Variants in MCTP1 observed in about 807,000 individuals in gnomAD.
MCTP1 encodes the protein multiple C2 and transmembrane domain containing 1, also known as multiple C2 and transmembrane domain-containing protein 1.
MCTP1 carries 69 observed loss-of-function variants against 120.6 expected under a neutral mutation model. The observed-to-expected ratio is 0.57, with a 90% CI of 0.47 to 0.70. The LOEUF (loss-of-function observed/expected upper bound fraction) is 0.70, where lower values mean the gene tolerates loss of function less well. MCTP1 is among the 30% of genes least tolerant of loss of function. MCTP1 has a pLI of 0.00. For missense variants in MCTP1, 1,203 were observed against 1,248.8 expected (o/e 0.96, Z 0.55); for synonymous variants, 529 against 493.1 (o/e 1.07, Z -0.96).
At chr5:94,787,146 G>T (rs2152969746) in intron 18 of MCTP1, among the ~76,000 whole-genome samples, 1 of 152,236 alleles carries the variant, frequency 6.6e-6, no homozygotes, top group South Asian at 2.1e-4. Context: ...TCATGGTACT[G>T]CCTGTCTTTG....
intron 1 of MCTP1, among the ~76,000 whole-genome samples, chr5:95,115,911 G>C (rs1268307951): frequency 1.3e-5 from 2 of 151,908 alleles, no homozygotes; most frequent in East Asian, 3.9e-4. Context: ...ATAAAATGGA[G>C]CTGTAATACA....
chr5:95,046,677 A>G (rs1025006749), intron 1 of MCTP1, among the ~76,000 whole-genome samples: 4 of 152,268 alleles, frequency 2.6e-5, no homozygotes, highest in Admixed American at 6.5e-5. Flanking sequence ...CCTAACCATT[A>G]TTAGCCTAAT....
In MCTP1 at chr5:94,969,870, A is replaced by G. The variant is rs548820168; in HGVS notation, c.839-16509T>C. On this transcript the variant is annotated intron_variant, in intron 2 of 22. Coordinates refer to ENST00000515393, the MANE Select transcript of MCTP1 (RefSeq NM_024717.7). ...TTATGGATGTGTTAAAATAATTTCC[A>G]TAAGCTATTCTATTCCCTCATTTTT... 2.0e-5 allele frequency among the ~76,000 whole-genome samples: 3 copies of G among 152,118 alleles called. No homozygotes were observed. In the South Asian group the frequency reaches 6.2e-4, roughly 31 times the overall value.
intron 12 of MCTP1, among the ~76,000 whole-genome samples, chr5:94,885,300 A>C (rs1420963424): frequency 1.4e-5 from 2 of 148,108 alleles, no homozygotes; most frequent in African/African-American, 5.1e-5. Context: ...TTAGGAGCTC[A>C]GAAAAAAAAA....
At position 95,022,430 on chromosome 5, in the gene MCTP1, T is replaced by C. The variant is rs201112513; in HGVS notation, c.721-4946A>G. Among the ~76,000 whole-genome samples the C allele has an allele frequency of 9.2e-5, 14 of 152,288 alleles. No individual in the cohort carries two copies. In the East Asian group the frequency reaches 2.7e-3, roughly 29 times the overall value. ...CTTTCTACCCAGTCTTCAAGGACCATTTCACTAGCACTTTATATCTTTATT... is the reference window on the plus strand; with the variant it reads ...CTTTCTACCCAGTCTTCAAGGACCACTTCACTAGCACTTTATATCTTTATT... On this transcript the variant is annotated intron_variant, in intron 1 of 22. Coordinates refer to ENST00000515393, the MANE Select transcript of MCTP1 (RefSeq NM_024717.7).
intron 1 of MCTP1, among the ~76,000 whole-genome samples, chr5:95,199,777 T>G (rs1750794834): frequency 6.6e-6 from 1 of 151,526 alleles, no homozygotes; most frequent in South Asian, 2.1e-4. Flanking sequence ...GAGAATTGCA[T>G]GAACTCAGGA....
intron 18 of MCTP1, among the ~76,000 whole-genome samples, chr5:94,782,797 A>G (rs893708688): frequency 6.6e-6 from 1 of 152,176 alleles, no homozygotes; most frequent in African/African-American, 2.4e-5. Flanking sequence ...AATGAACAAC[A>G]TACACTATAC....
chr5:95,039,368 A>T (rs1279504383), intron 1 of MCTP1, among the ~76,000 whole-genome samples: 2 of 152,108 alleles, frequency 1.3e-5, no homozygotes, highest in East Asian at 3.9e-4. Flanking sequence ...GCTCTTTAGA[A>T]CTCTTCATCC....
chr5:95,163,837 A>G (rs1369080229), intron 1 of MCTP1, among the ~76,000 whole-genome samples: 1 of 152,210 alleles, frequency 6.6e-6, no homozygotes. Context: ...TCTGTAAAAG[A>G]AAAAATTTAA....
chr5:94,884,643 G>C (rs1003929163), intron 12 of MCTP1, among the ~76,000 whole-genome samples: 4 of 151,932 alleles, frequency 2.6e-5, no homozygotes, highest in African/African-American at 9.7e-5. Context: ...GCGGGAGCTA[G>C]ACTGAAGAGG....
chr5:94,877,031 A>C (rs376411304), intron 12 of MCTP1, among the ~76,000 whole-genome samples: 122 of 152,076 alleles, frequency 8.0e-4, no homozygotes, highest in African/African-American at 2.8e-3. Context: ...AATAAAGGTA[A>C]GTGAAGGGTG....
At chr5:95,082,197 TA>T (rs1016969056) in intron 1 of MCTP1, among the ~76,000 whole-genome samples, 1 of 152,182 alleles carries the variant, frequency 6.6e-6, no homozygotes, top group African/African-American at 2.4e-5. Flanking sequence ...ACGCTGTCAT[TA>T]CCTTGTGCTT....
chr5:95,007,408 C>T (rs1002995434), intron 2 of MCTP1, among the ~76,000 whole-genome samples: 1 of 152,094 alleles, frequency 6.6e-6, no homozygotes, highest in Non-Finnish European at 1.5e-5. Context: ...GCTCGTATGA[C>T]CAATTTTGTT....
intron 19 of MCTP1, among the ~76,000 whole-genome samples, chr5:94,719,674 G>A (rs1024733566): frequency 2.0e-5 from 3 of 152,156 alleles, no homozygotes; most frequent in Non-Finnish European, 2.9e-5. Flanking sequence ...GTGGTGTGCG[G>A]GGAGCAATGT....
rs141236711 is a variant in MCTP1, at chr5:94,828,380, C to T, written c.2437-29248G>A. Among the ~76,000 whole-genome samples the T allele has an allele frequency of 1.9e-3, 287 of 152,294 alleles. 1 individual carries two copies. The highest frequency in any genetic ancestry group is 3.4e-3 in the Non-Finnish European group (230 of 68,018). On this transcript the variant is annotated intron_variant, in intron 17 of 22. Transcript: ENST00000515393. ...CCAGCTGGAGCTCTCCTGTATGAGG[C>T]GTCTGTCGACCTGTGATGGGAGGTG... is the stretch of plus-strand genomic sequence containing the variant.
rs895559981 is a variant in MCTP1 at position 95,103,999 on chromosome 5, G to A, written c.721-86515C>T. ...GTGATTTCCAGTTTCTCTCTCTTAC[G>A]CATTCCCACAACTCTCCATCATATC... On this transcript the variant is annotated intron_variant, in intron 1 of 22. Transcript: ENST00000515393. Among the ~76,000 whole-genome samples the A allele has an allele frequency of 3.3e-5, 5 of 152,028 alleles. No homozygotes were observed. The South Asian group carries it at 6.2e-4, about 19-fold the overall frequency.
At chr5:95,233,328 CT>C (rs199632942) in intron 1 of MCTP1, among the ~76,000 whole-genome samples, 23,373 of 144,502 alleles carry the variant, frequency 0.16, 1,829 homozygotes, top group Non-Finnish European at 0.19. Flanking sequence ...TGGCATACTT[CT>C]TTTTTTTTTT....
At chr5:94,857,142 C>T (rs1794871508) in intron 17 of MCTP1, among the ~76,000 whole-genome samples, 3 of 151,666 alleles carry the variant, frequency 2.0e-5, no homozygotes, top group South Asian at 2.1e-4. Context: ...TCATCTGCTA[C>T]TACTGTTGGG....
intron 1 of MCTP1, among the ~76,000 whole-genome samples, chr5:95,131,423 C>T (rs1759037387): frequency 6.6e-6 from 1 of 152,072 alleles, no homozygotes; most frequent in Admixed American, 6.6e-5. Context: ...AGGACTTTTC[C>T]CTTACTCACT....
Sources: allele counts gnomAD v4.1 joint callset (sites outside exome capture counted in the v4.1 genomes callset), GRCh38; gene constraint gnomAD v4.1.1; transcripts MANE v1.5; gene names NCBI Gene and HGNC (gene_info 2026-07-23, HGNC 2026-07-21).